The following AK1 variants were observed in gnomAD, a reference collection of about 807,000 sequenced individuals.
AK1 encodes the protein adenylate kinase 1.
A neutral mutation model predicts 23.9 loss-of-function variants in AK1; 13 were observed. That is an observed-to-expected ratio of 0.54 (90% CI 0.35 to 0.86). The LOEUF is 0.86. Among genes scored for constraint, AK1 ranks in the 40% least tolerant of loss-of-function variants. The pLI, the probability that AK1 is intolerant of heterozygous loss-of-function variation, is 0.01. For synonymous variants in AK1, 97 were observed against 102.8 expected (o/e 0.94, Z 0.34); for missense variants, 214 against 255.1 (o/e 0.84, Z 1.10).
At chr9:127,875,201 T>C (rs1412119754) in intron 1 of AK1, among the ~76,000 whole-genome samples, 1 of 151,938 alleles carries the variant, frequency 6.6e-6, no homozygotes, top group Non-Finnish European at 1.5e-5. Context: ...AACACAGCCC[T>C]TTACAGTTGT....
upstream of AK1, among the ~76,000 whole-genome samples, chr9:127,878,135 G>A (rs553755979): frequency 4.6e-5 from 7 of 152,186 alleles, no homozygotes; most frequent in South Asian, 1.4e-3. Flanking sequence ...CCCCAAGCCC[G>A]CCCTCAGAGC....
chr9:127,872,488 G>A lies in AK1; in HGVS notation c.207+202C>T, dbSNP rs151266836. 6.6e-3 allele frequency among the ~76,000 whole-genome samples: 1,002 copies of A among 152,182 alleles called. 9 individuals are homozygous for A. Among genetic ancestry groups the A allele is most frequent in the Middle Eastern group, 0.024 (7 of 294 alleles). On this transcript the variant is annotated intron_variant, in intron 4 of 6. Transcript: ENST00000644144. ...AAGGATGGAGGGAAGGGAGAGAGTT[G>A]GGGGCAGGGCAGAGTCCTGCAAGGT...
At chr9:127,869,496 T>G (rs1172765389) in intron 5 of AK1, 1 of 151,406 alleles carries the variant, frequency 6.6e-6, no homozygotes, top group Non-Finnish European at 1.5e-5. Flanking sequence ...AGAAGCAGCC[T>G]GACCTCCGGC....
rs1829561622 is a variant in AK1, at chr9:127,877,248, G to A, written c.-33+375C>T. On this transcript the variant is annotated intron_variant, in intron 1 of 6. Transcript: ENST00000644144. The surrounding 1 kb of genome is among the most constrained non-coding windows in gnomAD (Gnocchi z 5.2). ...GGAGCACAGAGGCTGCCCCTGTCCA[G>A]GTCCTCTGGGGCAGGGAGCCAGGCC... 6.6e-6 allele frequency among the ~76,000 whole-genome samples: 1 copy of A among 152,108 alleles called. No individual in the cohort carries two copies. The highest frequency in any genetic ancestry group is 1.9e-4 in the East Asian group (1 of 5,202).
chr9:127,874,152 CCG>C, intron 2 of AK1: 5 of 985,300 alleles, frequency 5.1e-6, no homozygotes, highest in Non-Finnish European at 6.0e-6. Flanking sequence ...GAGGGCGGGC[CCG>C]TTCTGGACTC....
At chr9:127,869,963 T>C (rs1829349457) in intron 5 of AK1, among the ~76,000 whole-genome samples, 1 of 152,220 alleles carries the variant, frequency 6.6e-6, no homozygotes, top group South Asian at 2.1e-4. Context: ...GTCAGGACAA[T>C]GGACATCTAG....
upstream of AK1, chr9:127,879,508 A>C (rs1188818878): frequency 6.6e-6 from 1 of 151,664 alleles, no homozygotes; most frequent in African/African-American, 2.4e-5. Flanking sequence ...CTGTAATCCC[A>C]CCTACTTGGG....
chr9:127,868,946 A>G lies in AK1; in HGVS notation c.325-434T>C, dbSNP rs1829318839. 6.6e-6 allele frequency among the ~76,000 whole-genome samples: 1 copy of G among 151,088 alleles called. No individual in the cohort carries two copies. The highest frequency in any genetic ancestry group is 1.5e-5 in the Non-Finnish European group (1 of 67,814). On this transcript the variant is annotated intron_variant, in intron 5 of 6. Transcript: ENST00000644144. This position sits in a 1 kb window ranked among gnomAD's most constrained non-coding sequence, Gnocchi z 4.1. ...CTGATGCCACCCCCCGCCCCCCAGT[A>G]CTCCCCGCCTCCTGGAACAGGCTCT... is the stretch of plus-strand genomic sequence containing the variant.
intron 2 of AK1, chr9:127,873,656 C>T: frequency 2.2e-6 from 3 of 1,391,278 alleles, no homozygotes; most frequent in South Asian, 1.8e-5. Flanking sequence ...TCTGTCTCGT[C>T]CCGCCTGCTG....
intron 2 of AK1, chr9:127,873,776 C>T (rs1588618379): frequency 1.0e-6 from 1 of 985,458 alleles, no homozygotes; most frequent in African/African-American, 1.7e-5. Context: ...AAGCTCCCCA[C>T]TGGGCTTTCA....
intron 2 of AK1, chr9:127,874,169 C>A: frequency 1.0e-6 from 1 of 985,414 alleles, no homozygotes; most frequent in South Asian, 4.7e-5. Context: ...GGACTCTCTG[C>A]CTGCCCGTGT....
chr9:127,868,329 C>T lies in AK1; in HGVS notation c.508G>A (p.Val170Met). 6.3e-7 allele frequency: 1 copy of T among 1,590,208 alleles called. No homozygotes were observed. Among genetic ancestry groups the T allele is most frequent in the Non-Finnish European group, 8.6e-7 (1 of 1,168,036 alleles). ...VIAFYEKRGI[V>M]RKVNAEGSVD... Reference sequence around the variant, plus strand: ...GGGCCCGCGGGGCCCACCTTGCGCACAATGCCACGTTTCTCATAGAAGGCG... The same window carrying T: ...GGGCCCGCGGGGCCCACCTTGCGCATAATGCCACGTTTCTCATAGAAGGCG... Residue 170 changes from valine (V) to methionine (M), a missense_variant, in exon 6 of 7, where the codon GTG becomes ATG. Coordinates refer to ENST00000644144, the MANE Select transcript of AK1 (RefSeq NM_000476.3). This position sits in a 1 kb window ranked among gnomAD's most constrained non-coding sequence, Gnocchi z 4.1.
rs2767398 is a variant in AK1 at position 127,873,261 on chromosome 9, A to G, written c.8-200T>C. On this transcript the variant is annotated intron_variant, in intron 2 of 6. Transcript: ENST00000644144. ...CGGAGCCTGGGAGAGGTCAGGGAAG[A>G]GAGGGTGCTCCAGGCAGCCAGACGG... The G allele has an allele frequency of 0.99, 1,525,698 of 1,533,840 alleles. 759,132 individuals are homozygous for G. Among genetic ancestry groups the G allele is most frequent in the East Asian group, 1 (40,814 of 40,814 alleles).
rs2131409995 is a variant in AK1, at chr9:127,874,634, G to A, written c.-17C>T. 1 of 1,613,826 alleles carries A rather than the reference G, an allele frequency of 6.2e-7. No homozygotes were observed. Among genetic ancestry groups the A allele is most frequent in the East Asian group, 2.2e-5 (1 of 44,876 alleles). ...ACCTTCCATCCTGCCGAGGTCCCGG[G>A]AGCCGTGTCAGTGCTCTGTAAGACA... On this transcript the variant is annotated 5_prime_UTR_variant, in exon 2 of 7. Coordinates refer to ENST00000644144, the MANE Select transcript of AK1 (RefSeq NM_000476.3).
chr9:127,875,734 C>A (rs997481503), intron 1 of AK1, among the ~76,000 whole-genome samples: 1 of 152,066 alleles, frequency 6.6e-6, no homozygotes, highest in East Asian at 1.9e-4. Context: ...CAGCTCCAGG[C>A]CCCTATGGCC....
chr9:127,879,066 AACAC>A (rs35534101), upstream of AK1, among the ~76,000 whole-genome samples: 12,928 of 145,472 alleles, frequency 0.089, 653 homozygotes, highest in Middle Eastern at 0.16. Context: ...CTAAAAATAA[AACAC>A]ACACACACAC....
rs779559662 is a variant in AK1, at chr9:127,871,953, A to T, written c.208-14T>A. The T allele has an allele frequency of 9.3e-6, 15 of 1,604,378 alleles. No individual in the cohort carries two copies. The highest frequency in any genetic ancestry group is 1.3e-5 in the Non-Finnish European group (15 of 1,171,370). On this transcript the variant is annotated splice_polypyrimidine_tract_variant and intron_variant, in intron 4 of 6. Coordinates refer to ENST00000644144, the MANE Select transcript of AK1 (RefSeq NM_000476.3). This position sits in a 1 kb window ranked among gnomAD's most constrained non-coding sequence, Gnocchi z 4.4. ...CAACACTGTCTCCTGGGGCACAGCA[A>T]AGGAGGAAGGGGCCATGAGCCTCTC...
chr9:127,867,622 G>A lies in AK1; in HGVS notation c.*386C>T, dbSNP rs1347099580. On this transcript the variant is annotated 3_prime_UTR_variant, in exon 7 of 7. Transcript: ENST00000644144. ...GGTTCTGCCTGAACATGAGCCCCTCGGAGCAGGGGCCCCGCCACTCAGCGC... is the reference window on the plus strand; with the variant it reads ...GGTTCTGCCTGAACATGAGCCCCTCAGAGCAGGGGCCCCGCCACTCAGCGC... 2.8e-5 allele frequency: 8 copies of A among 282,556 alleles called. No individual in the cohort carries two copies. Among genetic ancestry groups the A allele is most frequent in the African/African-American group, 4.4e-5 (2 of 45,716 alleles). 17.5% of individuals were successfully genotyped at this position (282,556 alleles called of 1,614,324 possible).
chr9:127,874,896 GC>G, intron 1 of AK1: 1 of 517,944 alleles, frequency 1.9e-6, no homozygotes, highest in Non-Finnish European at 3.5e-6. Flanking sequence ...AAGGGCAGTA[GC>G]CCCCTCCCAT....
Sources: allele counts gnomAD v4.1 joint callset (sites outside exome capture counted in the v4.1 genomes callset), GRCh38; gene constraint gnomAD v4.1.1; non-coding constraint Gnocchi (gnomAD v3.1); transcripts MANE v1.5; gene names NCBI Gene and HGNC (gene_info 2026-07-23, HGNC 2026-07-21).